The following PGBD5 variants were observed in gnomAD, a reference collection of about 807,000 sequenced individuals.
PGBD5 encodes the protein piggyBac transposable element derived 5.
A neutral mutation model predicts 47.9 loss-of-function variants in PGBD5; 14 were observed. The ratio of observed to expected loss-of-function variants is 0.29; its 90% CI spans 0.19 to 0.46. The LOEUF (loss-of-function observed/expected upper bound fraction) is 0.46, where lower values mean the gene tolerates loss of function less well. Among genes scored for constraint, PGBD5 ranks in the 20% least tolerant of loss-of-function variants. The probability of loss-of-function intolerance (pLI) is 1.00; values close to 1 mark genes in which losing one functional copy is unlikely to be tolerated. For synonymous variants in PGBD5, 316 were observed against 306.3 expected (o/e 1.03, Z -0.33); for missense variants, 635 against 716.0 (o/e 0.89, Z 1.29).
chr1:230,362,844 G>A (rs1667769317), intron 1 of PGBD5, among the ~76,000 whole-genome samples: 1 of 152,114 alleles, frequency 6.6e-6, no homozygotes, highest in Non-Finnish European at 1.5e-5. Context: ...GGGTCTCTAT[G>A]GCAACAGTCC....
At chr1:230,413,481 C>G (rs1657455376) in intron 1 of PGBD5, among the ~76,000 whole-genome samples, 1 of 152,128 alleles carries the variant, frequency 6.6e-6, no homozygotes, top group East Asian at 1.9e-4. Context: ...GCCTGGGCAA[C>G]AGAGCACAGA....
At chr1:230,330,399 GTTTATGTA>G (rs771856850) in intron 5 of PGBD5, among the ~76,000 whole-genome samples, 1 of 152,204 alleles carries the variant, frequency 6.6e-6, no homozygotes, top group Non-Finnish European at 1.5e-5. Flanking sequence ...GTGCCCAAAT[GTTTATGTA>G]TGAAGACATC....
At position 230,318,860 on chromosome 1, in the gene PGBD5, G is replaced by A; in HGVS notation, c.*4565C>T. 1 of 152,240 alleles carries A rather than the reference G, an allele frequency of 6.6e-6. No individual in the cohort carries two copies. The highest frequency in any genetic ancestry group is 1.9e-4 in the East Asian group (1 of 5,192). 9.4% of individuals were successfully genotyped at this position (152,240 alleles called of 1,614,324 possible). A position where few individuals can be genotyped will look rare whatever the true frequency, so the allele number is the denominator to read the frequency against. On this transcript the variant is annotated 3_prime_UTR_variant, in exon 7 of 7. Coordinates refer to ENST00000391860, the MANE Select transcript of PGBD5 (RefSeq NM_001258311.2). ...CTGTCCAAATGCCCCCCAGAATAGT[G>A]GCTCCCTACCAGGCTAACTTCAGCT...
At chr1:230,352,135 C>T (rs574016189) in intron 2 of PGBD5, among the ~76,000 whole-genome samples, 68 of 152,282 alleles carry the variant, frequency 4.5e-4, no homozygotes, top group African/African-American at 1.6e-3. Context: ...GTCTGGCCCA[C>T]GTCTGTTTTT....
chr1:230,403,859 C>T (rs1657205040), intron 1 of PGBD5, among the ~76,000 whole-genome samples: 1 of 152,166 alleles, frequency 6.6e-6, no homozygotes, highest in African/African-American at 2.4e-5. Context: ...AAGAAACAGA[C>T]ACACCCCCAG....
At chr1:230,399,873 G>C (rs1254073869) in intron 1 of PGBD5, among the ~76,000 whole-genome samples, 3 of 152,254 alleles carry the variant, frequency 2.0e-5, no homozygotes, top group Non-Finnish European at 4.4e-5. Context: ...CAACACGTCA[G>C]GAATCTGAAG....
intron 1 of PGBD5, among the ~76,000 whole-genome samples, chr1:230,372,218 T>C (rs1178656364): frequency 6.6e-6 from 1 of 152,260 alleles, no homozygotes; most frequent in Non-Finnish European, 1.5e-5. Flanking sequence ...CAGCTTTCAC[T>C]TTCCGGCAAA....
intron 4 of PGBD5, among the ~76,000 whole-genome samples, chr1:230,333,478 A>G (rs1477665117): frequency 6.6e-6 from 1 of 152,196 alleles, no homozygotes; most frequent in Non-Finnish European, 1.5e-5. Context: ...GAGAAGGGCG[A>G]AGCCCCCAGA....
chr1:230,376,724 G>C (rs1241514626), intron 1 of PGBD5, among the ~76,000 whole-genome samples: 3 of 152,196 alleles, frequency 2.0e-5, no homozygotes, highest in Admixed American at 2.0e-4. Flanking sequence ...GTCTGGGGCT[G>C]AGGCAGGTGA....
chr1:230,336,966 G>T, intron 4 of PGBD5, 142 bp downstream of exon 4: 1 of 924,162 alleles, frequency 1.1e-6, no homozygotes, highest in South Asian at 1.6e-5. Context: ...AGACGCATCT[G>T]TTCCCTCAAG....
At chr1:230,402,783 C>A (rs571030087) in intron 1 of PGBD5, among the ~76,000 whole-genome samples, 2 of 152,180 alleles carry the variant, frequency 1.3e-5, no homozygotes, top group Non-Finnish European at 2.9e-5. Flanking sequence ...CCCCAGTGCC[C>A]AGCCAGCAAC....
intron 4 of PGBD5, among the ~76,000 whole-genome samples, chr1:230,335,112 TAC>T (rs1306205612): frequency 1.1e-5 from 1 of 86,958 alleles, no homozygotes; most frequent in Non-Finnish European, 2.6e-5. Flanking sequence ...CACACACAGA[TAC>T]ACAGATACAG....
intron 1 of PGBD5, among the ~76,000 whole-genome samples, chr1:230,397,657 G>A (rs956043614): frequency 6.6e-6 from 1 of 152,212 alleles, no homozygotes; most frequent in Non-Finnish European, 1.5e-5. Flanking sequence ...ATCTCCTCAA[G>A]GAATGCCTGG....
At chr1:230,376,284 T>C (rs1668013535) in intron 1 of PGBD5, among the ~76,000 whole-genome samples, 2 of 152,152 alleles carry the variant, frequency 1.3e-5, no homozygotes, top group South Asian at 4.2e-4. Context: ...ACCTGGAGCT[T>C]GTTTCACCTG....
intron 1 of PGBD5, among the ~76,000 whole-genome samples, chr1:230,374,235 G>A (rs887295062): frequency 6.6e-6 from 1 of 152,082 alleles, no homozygotes; most frequent in African/African-American, 2.4e-5. Flanking sequence ...TGACCAACAC[G>A]GTGAAACCCT....
At chr1:230,402,302 C>T (rs1292234721) in intron 1 of PGBD5, among the ~76,000 whole-genome samples, 1 of 152,234 alleles carries the variant, frequency 6.6e-6, no homozygotes, top group African/African-American at 2.4e-5. Context: ...CACAGAAGTC[C>T]ACGTGGCCTA....
chr1:230,325,859 G>A (rs1052983371), intron 5 of PGBD5, among the ~76,000 whole-genome samples: 2 of 152,004 alleles, frequency 1.3e-5, no homozygotes, highest in African/African-American at 2.4e-5. Context: ...GCACCATGGA[G>A]CCCTTTCCAC....
At chr1:230,411,939 A>G (rs6656678) in intron 1 of PGBD5, among the ~76,000 whole-genome samples, 33,095 of 152,184 alleles carry the variant, frequency 0.22, 4,098 homozygotes, top group Admixed American at 0.38. Flanking sequence ...GATATTCATG[A>G]GAAGAGCTTG....
chr1:230,371,009 G>C (rs1667919910), intron 1 of PGBD5, among the ~76,000 whole-genome samples: 1 of 152,098 alleles, frequency 6.6e-6, no homozygotes, highest in Non-Finnish European at 1.5e-5. Context: ...GACAGGACTG[G>C]GGCACTCATA....
Sources: gnomAD v4.1 joint callset for allele counts (sites outside exome capture counted in the v4.1 genomes callset) on GRCh38, gnomAD v4.1.1 for gene constraint, MANE v1.5 for transcripts, NCBI Gene and HGNC (gene_info 2026-07-23, HGNC 2026-07-21) for gene names.